KIF6: variants seen among roughly 807,000 people sequenced by gnomAD.
KIF6 encodes the protein kinesin family member 6.
In KIF6, 106 loss-of-function variants were observed where a neutral mutation model predicts 112.7. The observed-to-expected ratio is 0.94, with a 90% CI of 0.80 to 1.11. The LOEUF is 1.11. KIF6 is among the 50% of genes least tolerant of loss of function. KIF6 has a pLI of 0.00. For missense variants in KIF6, 929 were observed against 964.0 expected (o/e 0.96, Z 0.48); for synonymous variants, 339 against 339.9 (o/e 1.00, Z 0.03).
chr6:39,397,575 G>T (rs1024470554), intron 15 of KIF6, among the ~76,000 whole-genome samples: 2 of 152,090 alleles, frequency 1.3e-5, no homozygotes, highest in African/African-American at 2.4e-5. Flanking sequence ...ATTCCAGTAC[G>T]CATGGCTCTG....
At chr6:39,348,073 C>T (rs1369677938) in intron 19 of KIF6, among the ~76,000 whole-genome samples, 2 of 152,244 alleles carry the variant, frequency 1.3e-5, no homozygotes, top group African/African-American at 2.4e-5. Flanking sequence ...CTCAAGGCTC[C>T]TGCTGAGTGG....
intron 6 of KIF6, among the ~76,000 whole-genome samples, chr6:39,603,653 A>C (rs950423858): frequency 2.0e-5 from 3 of 152,010 alleles, no homozygotes; most frequent in Admixed American, 1.3e-4. Context: ...TAAGTGAAAT[A>C]TAATTTCTTG....
At chr6:39,496,256 T>C (rs1277395909) in intron 13 of KIF6, among the ~76,000 whole-genome samples, 2 of 152,214 alleles carry the variant, frequency 1.3e-5, no homozygotes, top group Non-Finnish European at 2.9e-5. Flanking sequence ...ATTTGCCACA[T>C]GACCACAGGA....
At chr6:39,376,878 A>C (rs970253035) in intron 16 of KIF6, among the ~76,000 whole-genome samples, 1 of 150,926 alleles carries the variant, frequency 6.6e-6, no homozygotes, top group Non-Finnish European at 1.5e-5. Flanking sequence ...TAATGGAAAG[A>C]AAAAAAAAGA....
At chr6:39,365,831 A>G (rs1419455656) in intron 16 of KIF6, among the ~76,000 whole-genome samples, 1 of 152,136 alleles carries the variant, frequency 6.6e-6, no homozygotes, top group East Asian at 1.9e-4. Context: ...AGGCGGGCGG[A>G]GGAAGGGCTG....
chr6:39,504,228 T>C (rs1776308186), intron 13 of KIF6, among the ~76,000 whole-genome samples: 1 of 152,076 alleles, frequency 6.6e-6, no homozygotes, highest in South Asian at 2.1e-4. Flanking sequence ...ATGTGATTCA[T>C]CAAATAAACA....
chr6:39,346,652 T>C, intron 19 of KIF6, 126 bp from the exon 20 acceptor site: 1 of 539,596 alleles, frequency 1.9e-6, no homozygotes, highest in Non-Finnish European at 3.3e-6. Flanking sequence ...ATTTTCTTTT[T>C]TTCTTTTTTT....
intron 9 of KIF6, among the ~76,000 whole-genome samples, chr6:39,582,549 T>G (rs536192198): frequency 9.1e-4 from 138 of 152,228 alleles, no homozygotes; most frequent in African/African-American, 3.2e-3. Context: ...GTAGCTGGGA[T>G]TACAGGCATG....
intron 15 of KIF6, among the ~76,000 whole-genome samples, chr6:39,412,858 G>C (rs1887713): frequency 0.71 from 107,726 of 151,934 alleles, 40,979 homozygotes; most frequent in South Asian, 0.91. Context: ...TGTCTCTTAG[G>C]GGGGGCTTAT....
chr6:39,404,199 T>C (rs1325186421), intron 15 of KIF6, among the ~76,000 whole-genome samples: 1 of 152,226 alleles, frequency 6.6e-6, no homozygotes, highest in Admixed American at 6.5e-5. Context: ...ATTACTTTAA[T>C]TTTATTGGTT....
intron 3 of KIF6, among the ~76,000 whole-genome samples, chr6:39,701,131 T>A (rs899608880): frequency 6.6e-6 from 1 of 152,290 alleles, no homozygotes; most frequent in Non-Finnish European, 1.5e-5. Flanking sequence ...GATGTTAACA[T>A]GCACACTTTA....
intron 13 of KIF6, among the ~76,000 whole-genome samples, chr6:39,537,315 C>G (rs577757536): frequency 3.9e-5 from 6 of 152,096 alleles, no homozygotes; most frequent in Non-Finnish European, 8.8e-5. Context: ...ATCTAGAAAA[C>G]CCCATTGTCT....
intron 19 of KIF6, among the ~76,000 whole-genome samples, chr6:39,349,623 T>C (rs1764062880): frequency 6.8e-6 from 1 of 146,068 alleles, no homozygotes; most frequent in Non-Finnish European, 1.5e-5. Flanking sequence ...TAGGTTTAAT[T>C]TGTGGCTCTT....
At chr6:39,436,961 T>C (rs1449562075) in intron 13 of KIF6, among the ~76,000 whole-genome samples, 5 of 152,314 alleles carry the variant, frequency 3.3e-5, no homozygotes, top group East Asian at 1.9e-4. Context: ...TTAGGCAGTA[T>C]TGTCATTTTC....
intron 3 of KIF6, among the ~76,000 whole-genome samples, chr6:39,707,913 G>T (rs559594169): frequency 6.6e-6 from 1 of 152,196 alleles, no homozygotes. Context: ...CACAGGGCTA[G>T]GGCCAGAATT....
At chr6:39,443,345 C>A (rs7744882) in intron 13 of KIF6, among the ~76,000 whole-genome samples, 2 of 151,722 alleles carry the variant, frequency 1.3e-5, no homozygotes, top group Non-Finnish European at 2.9e-5. Context: ...GCATTGTTAA[C>A]GTGTCCTGTT....
At chr6:39,441,771 C>T (rs573218669) in intron 13 of KIF6, among the ~76,000 whole-genome samples, 10 of 152,316 alleles carry the variant, frequency 6.6e-5, no homozygotes, top group African/African-American at 2.4e-4. Context: ...GGCTAGTGCC[C>T]CAAGGCTTTG....
chr6:39,576,132 A>T (rs1780961646), intron 10 of KIF6, among the ~76,000 whole-genome samples: 1 of 151,246 alleles, frequency 6.6e-6, no homozygotes, highest in African/African-American at 2.4e-5. Flanking sequence ...ACTGGTACTG[A>T]TTTTTTTTTC....
chr6:39,575,546 A>G (rs573227110), intron 10 of KIF6, among the ~76,000 whole-genome samples: 6 of 152,312 alleles, frequency 3.9e-5, no homozygotes, highest in Middle Eastern at 3.4e-3. Context: ...CTGGGATTAC[A>G]GGCGTGAGCC....
Sources: allele counts gnomAD v4.1 joint callset (sites outside exome capture counted in the v4.1 genomes callset), GRCh38; gene constraint gnomAD v4.1.1; transcripts MANE v1.5; gene names NCBI Gene and HGNC (gene_info 2026-07-23, HGNC 2026-07-21).